The following AGBL1 variants were observed in gnomAD, a reference collection of about 807,000 sequenced individuals.
AGBL1 encodes cytosolic carboxypeptidase 4.
A neutral mutation model predicts 118.9 loss-of-function variants in AGBL1; 130 were observed. The observed-to-expected ratio is 1.09, with a 90% CI of 0.95 to 1.26. The LOEUF (loss-of-function observed/expected upper bound fraction) is 1.26. AGBL1 is among the 50% of genes most tolerant of loss of function. The probability of loss-of-function intolerance (pLI) is 0.00; values close to 1 mark genes in which losing one functional copy is unlikely to be tolerated. For synonymous variants in AGBL1, 555 were observed against 478.9 expected, an observed-to-expected ratio of 1.16 and a Z score of -2.08; for missense variants, 1,584 against 1,298.1, an observed-to-expected ratio of 1.22 and a Z score of -3.38.
chr15:86,090,250 T>C (rs1414279009), intron 1 of AGBL1, among the ~76,000 whole-genome samples: 1 of 152,176 alleles, frequency 6.6e-6, no homozygotes, highest in Non-Finnish European at 1.5e-5. Context: ...ATCCCTTTTG[T>C]TTTTACCTGT....
At chr15:86,731,708 C>A (rs1036323025) in intron 22 of AGBL1, among the ~76,000 whole-genome samples, 1 of 152,222 alleles carries the variant, frequency 6.6e-6, no homozygotes, top group Admixed American at 6.5e-5. Flanking sequence ...ACCAGACTGA[C>A]TTTCAAGTTG....
chr15:86,701,285 G>A (rs544660704), intron 22 of AGBL1, among the ~76,000 whole-genome samples: 2 of 152,192 alleles, frequency 1.3e-5, no homozygotes, highest in South Asian at 4.1e-4. Flanking sequence ...AGAGAGTGGT[G>A]TGTGTTGGAG....
At chr15:86,117,657 A>T (rs1027137897) in intron 1 of AGBL1, among the ~76,000 whole-genome samples, 1 of 152,228 alleles carries the variant, frequency 6.6e-6, no homozygotes, top group African/African-American at 2.4e-5. Context: ...AGAGGTATTC[A>T]AAACTCTTCT....
At chr15:86,187,614 G>A (rs1164753321) in intron 5 of AGBL1, among the ~76,000 whole-genome samples, 1 of 152,150 alleles carries the variant, frequency 6.6e-6, no homozygotes, top group African/African-American at 2.4e-5. Flanking sequence ...GATTGAAGTG[G>A]TATGATGCAT....
intron 17 of AGBL1, among the ~76,000 whole-genome samples, chr15:86,356,084 G>A (rs965293228): frequency 6.6e-6 from 1 of 152,146 alleles, no homozygotes; most frequent in Non-Finnish European, 1.5e-5. Context: ...TCTGAGTGTG[G>A]ATACTGGAAA....
intron 1 of AGBL1, among the ~76,000 whole-genome samples, chr15:86,086,063 C>T (rs1323869893): frequency 6.6e-6 from 1 of 152,190 alleles, no homozygotes; most frequent in Non-Finnish European, 1.5e-5. Flanking sequence ...AGGTGCATTG[C>T]TGGTGATATG....
At chr15:86,553,174 T>C (rs1297062605) in intron 20 of AGBL1, among the ~76,000 whole-genome samples, 2 of 152,230 alleles carry the variant, frequency 1.3e-5, no homozygotes, top group African/African-American at 2.4e-5. Context: ...AATTTTATAC[T>C]ATGTGTTATT....
At chr15:86,929,286 G>A (rs1008574695) in intron 23 of AGBL1, among the ~76,000 whole-genome samples, 3 of 152,172 alleles carry the variant, frequency 2.0e-5, no homozygotes, top group South Asian at 2.1e-4. Context: ...AAAGATTGAA[G>A]GTTGAGATAC....
intron 5 of AGBL1, among the ~76,000 whole-genome samples, chr15:86,168,408 G>A (rs117895482): frequency 0.012 from 1,760 of 152,170 alleles, 18 homozygotes; most frequent in Non-Finnish European, 0.018. Context: ...AAAACAATGA[G>A]TGATATGTAT....
At chr15:86,380,892 C>T (rs969215226) in intron 17 of AGBL1, among the ~76,000 whole-genome samples, 2 of 152,034 alleles carry the variant, frequency 1.3e-5, no homozygotes, top group Non-Finnish European at 2.9e-5. Context: ...AGGGTGATAT[C>T]CTACTCACTA....
intron 5 of AGBL1, among the ~76,000 whole-genome samples, chr15:86,222,217 T>G (rs187142328): frequency 1.3e-5 from 2 of 152,324 alleles, no homozygotes; most frequent in Admixed American, 1.3e-4. Context: ...TATTCCTAAC[T>G]GTGGTTGCGT....
intron 18 of AGBL1, among the ~76,000 whole-genome samples, chr15:86,509,601 A>T (rs1007421421): frequency 6.6e-6 from 1 of 152,166 alleles, no homozygotes; most frequent in African/African-American, 2.4e-5. Flanking sequence ...GATGAGAAAA[A>T]CGGTGAGGAG....
intron 22 of AGBL1, among the ~76,000 whole-genome samples, chr15:86,884,893 G>A (rs11631166): frequency 0.15 from 22,580 of 152,158 alleles, 2,166 homozygotes; most frequent in Admixed American, 0.24. Flanking sequence ...GCCTCTCAGC[G>A]AGCTCTCGGA....
chr15:86,310,491 C>T (rs560691182), intron 17 of AGBL1, among the ~76,000 whole-genome samples: 3 of 152,040 alleles, frequency 2.0e-5, no homozygotes, highest in Non-Finnish European at 4.4e-5. Flanking sequence ...TGGGTCTGTG[C>T]CTGGATTCAC....
chr15:86,121,691 G>T (rs548868245), intron 1 of AGBL1, among the ~76,000 whole-genome samples: 1 of 152,306 alleles, frequency 6.6e-6, no homozygotes, highest in South Asian at 2.1e-4. Flanking sequence ...AGTGTCTGCT[G>T]TGTTGAGAGC....
chr15:86,965,343 A>G (rs2081038349), intron 23 of AGBL1, among the ~76,000 whole-genome samples: 1 of 152,070 alleles, frequency 6.6e-6, no homozygotes. Context: ...GTGAGATGGT[A>G]TCTCATTGTG....
rs964337675 is a variant in AGBL1, at chr15:86,264,723, G to A, written c.1552G>A (p.Ala518Thr). The part of the protein sequence containing the change: ...FHDPYLYMAK[A>T]RRTSSVVDFK... The stretch of plus-strand genomic sequence containing the variant: ...CGATCCCTATCTTTATATGGCCAAA[G>A]CCAGAAGAACCAGCTCTGTGGTGGA... Residue 518 changes from alanine to threonine, a missense_variant, in exon 11 of 23, where the codon GCC becomes ACC. Physicochemically the swap from Ala to Thr is moderately conservative, Grantham distance 58. Coordinates refer to ENST00000614907, the MANE Select transcript of AGBL1 (RefSeq NM_001386094.1). 1 of 1,613,856 alleles carries A rather than the reference G, an allele frequency of 6.2e-7. No homozygotes were observed. The highest frequency in any genetic ancestry group is 1.3e-5 in the African/African-American group (1 of 74,908).
At chr15:86,876,970 C>T (rs989406095) in intron 22 of AGBL1, among the ~76,000 whole-genome samples, 4 of 152,088 alleles carry the variant, frequency 2.6e-5, no homozygotes, top group Non-Finnish European at 5.9e-5. Flanking sequence ...GCAATACAAT[C>T]CGTATTGTCA....
At chr15:86,139,763 A>ATTT (rs59244971) in intron 1 of AGBL1, 1,888 of 149,744 alleles carry the variant, frequency 0.013, 20 homozygotes, top group East Asian at 0.052. Flanking sequence ...ACATTAATTG[A>ATTT]TTTTTTTTTT....
Sources: gnomAD v4.1 joint callset for allele counts (sites outside exome capture counted in the v4.1 genomes callset) on GRCh38, gnomAD v4.1.1 for gene constraint, MANE v1.5 for transcripts, NCBI Gene and HGNC (gene_info 2026-07-23, HGNC 2026-07-21) for gene names.